PUM3: variants seen among roughly 807,000 people sequenced by gnomAD.
The protein encoded by PUM3 is pumilio homolog 3.
A neutral mutation model predicts 84.0 loss-of-function variants in PUM3; 91 were observed. The observed-to-expected ratio is 1.08, with a 90% CI of 0.91 to 1.29. The LOEUF is 1.29. Among genes scored for constraint, PUM3 ranks in the 50% most tolerant of loss-of-function variants. The probability of loss-of-function intolerance (pLI) is 0.00; values close to 1 mark genes in which losing one functional copy is unlikely to be tolerated. For synonymous variants in PUM3, 321 were observed against 266.7 expected (o/e 1.20, Z -1.98); for missense variants, 1,067 against 767.5 (o/e 1.39, Z -4.61).
At chr9:2,810,123 G>GT (rs1563825217) in intron 16 of PUM3, among the ~76,000 whole-genome samples, 1 of 150,966 alleles carries the variant, frequency 6.6e-6, no homozygotes, top group East Asian at 1.9e-4. Context: ...CTGGCGGGGG[G>GT]GGTTTGGAAA....
chr9:2,812,365 A>G lies in PUM3; in HGVS notation c.1270-3T>C, dbSNP rs1821392600. On this transcript the variant is annotated splice_polypyrimidine_tract_variant and splice_region_variant and intron_variant, in intron 13 of 17. Coordinates refer to ENST00000397885, the MANE Select transcript of PUM3 (RefSeq NM_014878.5). ...CTAGGCAATGAACTGATAATTTCCT[A>G]TAAAATTATAAACAAAAAAAAAGAA... The G allele has an allele frequency of 6.5e-7, 1 of 1,534,084 alleles. No homozygotes were observed. Among genetic ancestry groups the G allele is most frequent in the Non-Finnish European group, 8.9e-7 (1 of 1,121,564 alleles).
intron 11 of PUM3, among the ~76,000 whole-genome samples, chr9:2,824,127 G>A (rs900487276): frequency 1.3e-5 from 2 of 151,972 alleles, no homozygotes; most frequent in Non-Finnish European, 2.9e-5. Flanking sequence ...CTTCTTCCAA[G>A]GTCTAAACTG....
intron 1 of PUM3, among the ~76,000 whole-genome samples, chr9:2,839,912 C>T (rs1481277291): frequency 6.6e-6 from 1 of 152,214 alleles, no homozygotes; most frequent in Non-Finnish European, 1.5e-5. Context: ...CTTTCCCCAG[C>T]TTCCCCTAAT....
intron 3 of PUM3, among the ~76,000 whole-genome samples, chr9:2,835,887 T>G (rs542728285): frequency 1.3e-5 from 2 of 152,266 alleles, no homozygotes; most frequent in East Asian, 1.9e-4. Flanking sequence ...ATAACTTTCC[T>G]CATATCAATG....
chr9:2,840,863 T>A (rs946667091), intron 1 of PUM3, among the ~76,000 whole-genome samples: 1 of 152,232 alleles, frequency 6.6e-6, no homozygotes, highest in South Asian at 2.1e-4. Flanking sequence ...TCATTGAGAA[T>A]GGTATTTAAA....
In PUM3 at chr9:2,831,299, G is replaced by A. The variant is rs141834527; in HGVS notation, c.562C>T (p.Gln188Ter). The change falls in exon 6 of 18, where the codon CAG (glutamine) becomes TAG (stop). Residue 188 changes from glutamine (Q) to a stop codon, truncating the protein, a stop_gained. Coordinates refer to ENST00000397885, the MANE Select transcript of PUM3 (RefSeq NM_014878.5). LOFTEE classifies it high-confidence loss of function. ...TTTCTCTGTTCTTCATTACCATACTGAATGTAACACTGGATCACACGAGTT... is the reference window on the plus strand; with the variant it reads ...TTTCTCTGTTCTTCATTACCATACTAAATGTAACACTGGATCACACGAGTT... ...DSTRVIQCYI[Q>*]YGNEEQRKQA... is the part of the protein sequence containing the mutation. The A allele has an allele frequency of 5.0e-6, 8 of 1,610,642 alleles. No individual in the cohort carries two copies. The South Asian group carries it at 6.7e-5, about 13-fold the overall frequency.
At chr9:2,838,111 AGTAT>A (rs1185073377) in intron 2 of PUM3, among the ~76,000 whole-genome samples, 1 of 152,196 alleles carries the variant, frequency 6.6e-6, no homozygotes, top group Non-Finnish European at 1.5e-5. Flanking sequence ...GCTTATGAGC[AGTAT>A]GTATTAAACA....
chr9:2,821,440 T>G (rs1346131298), intron 12 of PUM3, among the ~76,000 whole-genome samples: 3 of 32,450 alleles, frequency 9.2e-5, no homozygotes, highest in African/African-American at 3.5e-4. Flanking sequence ...CAAGACTCTG[T>G]CTCAAAAAAA....
Position 2,834,112 on chromosome 9 carries a change from A to C in PUM3, c.359T>G (p.Leu120Arg), listed in dbSNP as rs2129873627. 1.2e-6 allele frequency: 2 copies of C among 1,613,672 alleles called. No individual in the cohort carries two copies. The highest frequency in any genetic ancestry group is 2.2e-5 in the East Asian group (1 of 44,862). Reference sequence around the variant, plus strand: ...ATCACTGAGTTGTCTGCTTTGCTTCAGTTCTTTCTTCTTCTTTTTGAAGTC... The same window carrying C: ...ATCACTGAGTTGTCTGCTTTGCTTCCGTTCTTTCTTCTTCTTTTTGAAGTC... ...WDDFKKKKKELKQSRQLSDKT... is the reference protein window; with the variant it reads ...WDDFKKKKKERKQSRQLSDKT... The change falls in exon 4 of 18, where the codon CTG becomes CGG. Residue 120 changes from leucine to arginine, a missense_variant. Leu to Arg is a moderately radical substitution (Grantham distance 102, BLOSUM62 -2). Transcript: ENST00000397885.
At position 2,829,837 on chromosome 9, in the gene PUM3, G is replaced by T. The variant is rs148477543; in HGVS notation, c.789C>A (p.Ala263=). The part of the protein sequence containing the change: ...AIVEYAYNDK[A]ILEQRNMLTE... ...TCAGCATGTTCCTCTGCTCCAAAATGGCTTTGTCATTGTATGCGTACTCCA... is the reference window on the plus strand; with the variant it reads ...TCAGCATGTTCCTCTGCTCCAAAATTGCTTTGTCATTGTATGCGTACTCCA... The change falls in exon 8 of 18, where the codon GCC becomes GCA. Residue 263 remains alanine (A), a synonymous_variant. Transcript: ENST00000397885. The T allele has an allele frequency of 6.2e-7, 1 of 1,614,000 alleles. No homozygotes were observed. The highest frequency in any genetic ancestry group is 8.5e-7 in the Non-Finnish European group (1 of 1,179,982).
At chr9:2,828,556 T>C (rs539265165) in intron 9 of PUM3, 119 bp downstream of exon 9, 1 of 647,688 alleles carries the variant, frequency 1.5e-6, no homozygotes, top group South Asian at 1.9e-5. Context: ...TGCACTCTTA[T>C]TTAGAATAGA....
intron 17 of PUM3, 114 bp downstream of exon 17, chr9:2,807,700 G>C: frequency 1.5e-6 from 1 of 649,690 alleles, no homozygotes; most frequent in Non-Finnish European, 2.7e-6. Flanking sequence ...ATGAGTGACT[G>C]GGAGTAATAT....
Position 2,834,062 on chromosome 9 carries a change from G to A in PUM3, c.409C>T (p.Arg137Trp), listed in dbSNP as rs372409722. 3.0e-5 allele frequency: 48 copies of A among 1,613,118 alleles called. No individual in the cohort carries two copies. The highest frequency in any genetic ancestry group is 1.6e-4 in the Middle Eastern group (1 of 6,082). The change falls in exon 4 of 18, where the codon CGG becomes TGG. Residue 137 changes from arginine (R) to tryptophan (W), a missense_variant. By Grantham distance (101) the Arg-to-Trp change is moderately radical. Transcript: ENST00000397885. ...SDKTNYDIVV[R>W]AKQMWEILRR... Reference sequence around the variant, plus strand: ...AAAATCTCCCACATCTGCTTTGCCCGAACAACAATGTCATAGTTGGTTTTA... The same window carrying A: ...AAAATCTCCCACATCTGCTTTGCCCAAACAACAATGTCATAGTTGGTTTTA...
intron 7 of PUM3, 51 bp from the exon 8 acceptor site, chr9:2,829,999 GTGACAATAAAACACAACTTACT>G: frequency 6.5e-7 from 1 of 1,536,858 alleles, no homozygotes; most frequent in Non-Finnish European, 8.9e-7. Context: ...AGAAAGCTGG[GTGACAATAAAACACAACTTACT>G]TCTCCCAAGA....
At position 2,828,735 on chromosome 9, in the gene PUM3, G is replaced by A; in HGVS notation, c.896C>T (p.Pro299Leu). The change falls in exon 9 of 18, where the codon CCA becomes CTA. Residue 299 changes from proline (P) to leucine (L), a missense_variant. By Grantham distance (98) the Pro-to-Leu change is moderately conservative (BLOSUM62 -3). Transcript: ENST00000397885. ...ATCCATAATAAGTTCTAATTTTTCT[G>A]GCTGTACCTCTAACACTTTGTCCAG... ...RTLDKVLEVQPEKLELIMDEM... is the reference protein window; with the variant it reads ...RTLDKVLEVQLEKLELIMDEM... 6.2e-7 allele frequency: 1 copy of A among 1,609,444 alleles called. No homozygotes were observed. The highest frequency in any genetic ancestry group is 8.5e-7 in the Non-Finnish European group (1 of 1,175,948).
chr9:2,814,828 C>T (rs539316907), intron 13 of PUM3, among the ~76,000 whole-genome samples: 6 of 152,164 alleles, frequency 3.9e-5, no homozygotes, highest in South Asian at 2.1e-4. Context: ...AACAAAAAAA[C>T]TGGGCAGTAT....
Position 2,807,921 on chromosome 9 carries a change from A to C in PUM3, c.1724-17T>G. 1 of 1,508,126 alleles carries C rather than the reference A, an allele frequency of 6.6e-7. No homozygotes were observed. The highest frequency in any genetic ancestry group is 9.2e-7 in the Non-Finnish European group (1 of 1,084,616). The allele number at this position is 1,508,126 out of a possible 1,614,324, so 93.4% of individuals were successfully genotyped here. The stretch of plus-strand genomic sequence containing the variant: ...CAAAACAACCTGTAAAATATACTGA[A>C]GCTTAGTGAACATCACATAATAAGA... On this transcript the variant is annotated splice_polypyrimidine_tract_variant and intron_variant, in intron 16 of 17. Transcript: ENST00000397885.
intron 10 of PUM3, 151 bp downstream of exon 10, chr9:2,826,922 C>T (rs1001544916): frequency 1.3e-5 from 8 of 631,964 alleles, no homozygotes; most frequent in East Asian, 6.0e-5. Flanking sequence ...AATTAGCAAA[C>T]GTGTTCAAAG....
At chr9:2,806,469 T>C (rs1386949084) in intron 17 of PUM3, among the ~76,000 whole-genome samples, 2 of 151,820 alleles carry the variant, frequency 1.3e-5, no homozygotes, top group Non-Finnish European at 2.9e-5. Flanking sequence ...ACAAACAACA[T>C]AGATTAAGTT....
Sources: allele counts gnomAD v4.1 joint callset (sites outside exome capture counted in the v4.1 genomes callset), GRCh38; gene constraint gnomAD v4.1.1; transcripts MANE v1.5; gene names NCBI Gene and HGNC (gene_info 2026-07-23, HGNC 2026-07-21).